SRGAP1: variants seen among roughly 807,000 people sequenced by gnomAD.
The protein encoded by SRGAP1 is SLIT-ROBO Rho GTPase-activating protein 1.
Under a neutral mutation model 121.9 loss-of-function variants are expected in SRGAP1, and 43 were observed. The ratio of observed to expected loss-of-function variants is 0.35; its 90% CI spans 0.28 to 0.46. The LOEUF is 0.46. Ranked by LOEUF, SRGAP1 falls within the 20% of genes least tolerant of loss-of-function variation. The pLI, the probability that SRGAP1 is intolerant of heterozygous loss-of-function variation, is 1.00. For missense variants in SRGAP1, 1,102 were observed against 1,350.9 expected (o/e 0.82, Z 2.89); for synonymous variants, 447 against 485.4 (o/e 0.92, Z 1.04).
intron 2 of SRGAP1, among the ~76,000 whole-genome samples, chr12:63,987,186 A>G (rs1251189366): frequency 1.3e-5 from 2 of 152,154 alleles, no homozygotes; most frequent in Non-Finnish European, 1.5e-5. Flanking sequence ...AACCAAACAC[A>G]TGTTATGTCT....
intron 4 of SRGAP1, among the ~76,000 whole-genome samples, chr12:64,025,042 G>A (rs1170693171): frequency 1.3e-5 from 2 of 152,050 alleles, no homozygotes; most frequent in Non-Finnish European, 2.9e-5. Context: ...CCCAGAGGTG[G>A]GCTGAGTAAC....
At chr12:63,991,050 G>A (rs1403522052) in intron 3 of SRGAP1, among the ~76,000 whole-genome samples, 1 of 152,116 alleles carries the variant, frequency 6.6e-6, no homozygotes, top group Non-Finnish European at 1.5e-5. Context: ...TTGTTGTGTG[G>A]ACATTTTTGC....
At chr12:64,083,367 A>G (rs1198629626) in intron 10 of SRGAP1, among the ~76,000 whole-genome samples, 1 of 152,238 alleles carries the variant, frequency 6.6e-6, no homozygotes, top group African/African-American at 2.4e-5. Flanking sequence ...GCTCGTACAC[A>G]GCTGAATCTG....
chr12:64,047,034 A>G lies in SRGAP1; in HGVS notation c.801+3459A>G, dbSNP rs137918523. Among the ~76,000 whole-genome samples the G allele has an allele frequency of 7.7e-4, 118 of 152,276 alleles. 1 individual carries two copies. Among genetic ancestry groups the G allele is most frequent in the Middle Eastern group, 3.4e-3 (1 of 294 alleles). On this transcript the variant is annotated intron_variant, in intron 6 of 21. Coordinates refer to ENST00000355086, the MANE Select transcript of SRGAP1 (RefSeq NM_020762.4). ...CATTTTTAACTTCCAGATCTAATTG[A>G]CTCTGACCTAAATAAGTAACTGTTA...
chr12:64,027,832 G>A (rs1028360951), intron 4 of SRGAP1, among the ~76,000 whole-genome samples: 1 of 151,966 alleles, frequency 6.6e-6, no homozygotes, highest in Non-Finnish European at 1.5e-5. Flanking sequence ...GTCAATTTCC[G>A]AACCACTTTT....
chr12:64,157,310 TAACA>T lies in SRGAP1; in HGVS notation c.*14644_*14647del, dbSNP rs750618965. On this transcript the variant is annotated 3_prime_UTR_variant, in exon 22 of 22. Coordinates refer to ENST00000355086, the MANE Select transcript of SRGAP1 (RefSeq NM_020762.4). ...TGAGAGTAATTGATGCTAGCTGCTG[TAACA>T]AACAACCCCCCAAACTCAGTAACAC... 3.9e-5 allele frequency: 6 copies of T among 152,314 alleles called. No homozygotes were observed. Among genetic ancestry groups the T allele is most frequent in the Non-Finnish European group, 8.8e-5 (6 of 68,044 alleles). The allele number at this position is 152,314 out of a possible 1,614,324, so 9.4% of individuals were successfully genotyped here.
At chr12:63,980,719 G>A (rs966074067) in intron 1 of SRGAP1, among the ~76,000 whole-genome samples, 11 of 151,576 alleles carry the variant, frequency 7.3e-5, no homozygotes, top group African/African-American at 2.7e-4. Flanking sequence ...TCAGACTCCC[G>A]AGTAGCTGGG....
At chr12:63,946,420 C>A (rs965517523) in intron 1 of SRGAP1, among the ~76,000 whole-genome samples, 3 of 151,780 alleles carry the variant, frequency 2.0e-5, no homozygotes, top group Non-Finnish European at 4.4e-5. Flanking sequence ...CTATTACCAC[C>A]ACTCCTAAAT....
At chr12:63,981,040 C>T (rs955283993) in intron 1 of SRGAP1, among the ~76,000 whole-genome samples, 12 of 152,120 alleles carry the variant, frequency 7.9e-5, no homozygotes, top group African/African-American at 2.4e-4. Flanking sequence ...AGTTGATTTT[C>T]GCACAGTGAT....
At chr12:63,990,110 T>C (rs201510248) in intron 3 of SRGAP1, 38 bp downstream of exon 3, 1 of 1,521,156 alleles carries the variant, frequency 6.6e-7, no homozygotes, top group Non-Finnish European at 8.9e-7. Context: ...TGCTTTCCAA[T>C]AACTGCCTTG....
At chr12:63,930,328 T>TAAA (rs755253203) in intron 1 of SRGAP1, among the ~76,000 whole-genome samples, 72 of 59,920 alleles carry the variant, frequency 1.2e-3, no homozygotes, top group Admixed American at 2.5e-3. Flanking sequence ...TCGTCTCTAC[T>TAAA]AAAAAAAAAA....
intron 2 of SRGAP1, among the ~76,000 whole-genome samples, chr12:63,986,749 T>G (rs1348676622): frequency 1.3e-5 from 2 of 152,154 alleles, no homozygotes; most frequent in Non-Finnish European, 2.9e-5. Context: ...TTTAGTATCT[T>G]CTGTGTTTTG....
intron 3 of SRGAP1, among the ~76,000 whole-genome samples, chr12:64,002,197 A>C (rs2033920879): frequency 6.6e-6 from 1 of 152,168 alleles, no homozygotes; most frequent in African/African-American, 2.4e-5. Flanking sequence ...GATGATCCCA[A>C]ATTTTTCATT....
At chr12:63,903,596 C>T (rs2030046710) in intron 1 of SRGAP1, among the ~76,000 whole-genome samples, 2 of 148,890 alleles carry the variant, frequency 1.3e-5, no homozygotes, top group Admixed American at 1.3e-4. Flanking sequence ...CACTCTGTTG[C>T]CCAGGCTGGA....
chr12:64,029,645 G>T (rs1359370978), intron 4 of SRGAP1, among the ~76,000 whole-genome samples: 1 of 152,148 alleles, frequency 6.6e-6, no homozygotes, highest in Non-Finnish European at 1.5e-5. Flanking sequence ...CATTGCCTCT[G>T]CAGGGAACTC....
At chr12:64,040,008 TG>T (rs2034982811) in intron 4 of SRGAP1, among the ~76,000 whole-genome samples, 1 of 152,184 alleles carries the variant, frequency 6.6e-6, no homozygotes, top group African/African-American at 2.4e-5. Context: ...GTTCTGGCTC[TG>T]TAATGCCTTT....
In SRGAP1 at chr12:63,989,955, C is replaced by G. The variant is rs1050823588; in HGVS notation, c.309C>G (p.Leu103=). The change falls in exon 3 of 22, where the codon CTC becomes CTG. Residue 103 remains leucine (L), a synonymous_variant. Coordinates refer to ENST00000355086, the MANE Select transcript of SRGAP1 (RefSeq NM_020762.4). ...CTCCAGTGAACTGCTGGTATTTGCTCCTGAACCAAGTAAGGAGAGAAAGCA... is the reference window on the plus strand; with the variant it reads ...CTCCAGTGAACTGCTGGTATTTGCTGCTGAACCAAGTAAGGAGAGAAAGCA... ...LLSPVNCWYL[L]LNQVRRESKD... is the part of the protein sequence containing the mutation. 2 of 1,613,734 alleles carry G rather than the reference C, an allele frequency of 1.2e-6. No homozygotes were observed. Among genetic ancestry groups the G allele is most frequent in the Non-Finnish European group, 1.7e-6 (2 of 1,179,874 alleles).
chr12:64,109,805 C>T (rs74099280), intron 16 of SRGAP1, among the ~76,000 whole-genome samples: 7,176 of 152,156 alleles, frequency 0.047, 307 homozygotes, highest in South Asian at 0.13. Context: ...TCCTAAAATT[C>T]GGATATTTTC....
chr12:64,016,876 C>G (rs1022185342), intron 3 of SRGAP1, 74 bp from the exon 4 acceptor site: 2 of 798,204 alleles, frequency 2.5e-6, no homozygotes, highest in African/African-American at 3.5e-5. Context: ...TAGATACATT[C>G]CTCTATTTTC....
Sources: allele counts gnomAD v4.1 joint callset (sites outside exome capture counted in the v4.1 genomes callset), GRCh38; gene constraint gnomAD v4.1.1; transcripts MANE v1.5; gene names NCBI Gene and HGNC (gene_info 2026-07-23, HGNC 2026-07-21).